Variants in MUS81 observed in about 807,000 individuals in gnomAD.
MUS81 encodes the protein MUS81 structure-specific endonuclease subunit.
MUS81 carries 69 observed loss-of-function variants against 74.2 expected under a neutral mutation model. The ratio of observed to expected loss-of-function variants is 0.93; its 90% CI spans 0.77 to 1.14. The LOEUF (loss-of-function observed/expected upper bound fraction) is 1.14. Among genes scored for constraint, MUS81 ranks in the 50% most tolerant of loss-of-function variants. The probability of loss-of-function intolerance (pLI) is 0.00; values close to 1 mark genes in which losing one functional copy is unlikely to be tolerated. For missense variants in MUS81, 711 were observed against 726.5 expected (o/e 0.98, Z 0.25); for synonymous variants, 303 against 300.6 (o/e 1.01, Z -0.08).
chr11:65,862,096 G>A (rs1387183318), intron 4 of MUS81, 51 bp downstream of exon 4: 1 of 1,595,134 alleles, frequency 6.3e-7, no homozygotes, highest in African/African-American at 1.3e-5. Flanking sequence ...GGGGTGGGAG[G>A]TTCCCCGAGG....
In MUS81 at chr11:65,860,606, G is replaced by T; in HGVS notation, c.-148G>T. The T allele has an allele frequency of 8.6e-7, 1 of 1,157,218 alleles. No homozygotes were observed. Among genetic ancestry groups the T allele is most frequent in the Non-Finnish European group, 1.2e-6 (1 of 813,470 alleles). The allele number at this position is 1,157,218 out of a possible 1,614,324, so 71.7% of individuals were successfully genotyped here. A position where few individuals can be genotyped will look rare whatever the true frequency, so the allele number is the denominator to read the frequency against. On this transcript the variant is annotated 5_prime_UTR_variant, in exon 1 of 16. Coordinates refer to ENST00000308110, the MANE Select transcript of MUS81 (RefSeq NM_025128.5). ...CTCTCCTCTCGTTAGTGCCCCCTGTGTTTGGGGCCCCGTGATCTCAACGGT... is the reference window on the plus strand; with the variant it reads ...CTCTCCTCTCGTTAGTGCCCCCTGTTTTTGGGGCCCCGTGATCTCAACGGT...
intron 4 of MUS81, 50 bp from the exon 5 acceptor site, chr11:65,862,161 G>A: frequency 2.5e-6 from 4 of 1,600,374 alleles, no homozygotes; most frequent in Non-Finnish European, 3.4e-6. Context: ...AGCGGGATGA[G>A]GAGGGGCCCT....
chr11:65,867,325 G>T (rs191979628), downstream of MUS81: 1 of 572,570 alleles, frequency 1.7e-6, no homozygotes, highest in African/African-American at 1.9e-5. Flanking sequence ...TCTGACCCAG[G>T]CTAACTGACG....
chr11:65,866,712 C>G, downstream of MUS81: 1 of 729,982 alleles, frequency 1.4e-6, no homozygotes, highest in East Asian at 2.7e-5. Flanking sequence ...GGCCCCTGGG[C>G]CTGAACATAT....
At chr11:65,865,727 GCTGACCCCTCTGC>G (rs1859803631) in intron 14 of MUS81, 71 bp from the exon 15 acceptor site, 1 of 1,377,622 alleles carries the variant, frequency 7.3e-7, no homozygotes, top group Non-Finnish European at 1.0e-6. Flanking sequence ...TCCATCCCAT[GCTGACCCCTCTGC>G]CTGGCCCCTC....
Position 65,861,335 on chromosome 11 carries a change from T to C in MUS81, c.266-15T>C, listed in dbSNP as rs371083643. 1 of 1,579,666 alleles carries C rather than the reference T, an allele frequency of 6.3e-7. No homozygotes were observed. Among genetic ancestry groups the C allele is most frequent in the Non-Finnish European group, 8.6e-7 (1 of 1,160,750 alleles). On this transcript the variant is annotated splice_polypyrimidine_tract_variant and intron_variant, in intron 2 of 15. Coordinates refer to ENST00000308110, the MANE Select transcript of MUS81 (RefSeq NM_025128.5). ...GATTCGTGGAGTGTGGAGTTAACTC[T>C]TTTCTCTCCCGCAGGTGACCATGCC...
chr11:65,865,678 G>T, intron 14 of MUS81, 133 bp from the exon 15 acceptor site: 1 of 946,672 alleles, frequency 1.1e-6, no homozygotes. Context: ...ATGGGGCCTT[G>T]AGTGCCAAGC....
In MUS81 at chr11:65,862,522, C is replaced by G. The variant is rs1345417017; in HGVS notation, c.598C>G (p.Pro200Ala). ...HRNLVLRTHQ[P>A]ARYSLTPEGL... Reference sequence around the variant, plus strand: ...GAACCTGGTCCTCAGGACACACCAGCCAGCCAGGTGGGGCCAACTGCAGGA... The same window carrying G: ...GAACCTGGTCCTCAGGACACACCAGGCAGCCAGGTGGGGCCAACTGCAGGA... Residue 200 changes from proline (P) to alanine (A), a missense_variant, in exon 6 of 16, where the codon CCA (proline) becomes GCA (alanine). Pro to Ala is a conservative substitution (Grantham distance 27, BLOSUM62 -1). Coordinates refer to ENST00000308110, the MANE Select transcript of MUS81 (RefSeq NM_025128.5). 6.2e-7 allele frequency: 1 copy of G among 1,613,466 alleles called. No individual in the cohort carries two copies. The highest frequency in any genetic ancestry group is 8.5e-7 in the Non-Finnish European group (1 of 1,179,938).
At chr11:65,867,626 A>G (rs1416546931), downstream of MUS81, 5 of 464,548 alleles carry the variant, frequency 1.1e-5, no homozygotes, top group South Asian at 1.0e-4. Flanking sequence ...ACTGAGATCA[A>G]TATGGAAAAC....
intron 11 of MUS81, 50 bp from the exon 12 acceptor site, chr11:65,864,670 C>G (rs1276166242): frequency 1.2e-6 from 2 of 1,612,720 alleles, no homozygotes; most frequent in Non-Finnish European, 1.7e-6. Flanking sequence ...GTCCATGGTT[C>G]ATGGTCTAGG....
intron 7 of MUS81, 46 bp from the exon 8 acceptor site, chr11:65,863,364 C>T: frequency 1.6e-5 from 25 of 1,610,590 alleles, no homozygotes; most frequent in Non-Finnish European, 2.1e-5. Flanking sequence ...GGCAACTGCC[C>T]TGGCACAAGG....
upstream of MUS81, chr11:65,860,321 C>T (rs1315290091): frequency 6.4e-6 from 3 of 465,382 alleles, no homozygotes; most frequent in East Asian, 6.7e-5. Context: ...ACCTTAGAGC[C>T]GCCAAGCTCA....
rs779319794 is a variant in MUS81 at position 65,864,860 on chromosome 11, G to C, written c.1272+45G>C. The C allele has an allele frequency of 2.5e-6, 4 of 1,593,568 alleles. No homozygotes were observed. The East Asian group carries it at 8.9e-5, about 36-fold the overall frequency. On this transcript the variant is annotated intron_variant, in intron 12 of 15. Coordinates refer to ENST00000308110, the MANE Select transcript of MUS81 (RefSeq NM_025128.5). ...CCAGTGTCGGGACAGAGCCCACAAG[G>C]AATTCACCTTGCCTGGGCCCTGTGC...
At chr11:65,866,998 C>A (rs779595425), downstream of MUS81, 1 of 1,614,216 alleles carries the variant, frequency 6.2e-7, no homozygotes, top group Non-Finnish European at 8.5e-7. Flanking sequence ...TTCATGGTGA[C>A]CATCTCCAGG....
rs1211525012 is a variant in MUS81 at position 65,860,803 on chromosome 11, C to T, written c.50C>T (p.Pro17Leu). 2.6e-6 allele frequency: 4 copies of T among 1,544,504 alleles called. No individual in the cohort carries two copies. Among genetic ancestry groups the T allele is most frequent in the Non-Finnish European group, 2.6e-6 (3 of 1,148,336 alleles). The change falls in exon 1 of 16, where the codon CCC (proline) becomes CTC (leucine). Residue 17 changes from proline (P) to leucine (L), a missense_variant. Physicochemically the swap from Pro to Leu is moderately conservative, Grantham distance 98. Transcript: ENST00000308110. ...CGGAAGCGCCCGCTGCCTGCCTGTC[C>T]CAACCCGCTCTTCGTTCGCTGGCTG... is the stretch of plus-strand genomic sequence containing the variant. Reference protein sequence around the residue: ...LGRKRPLPACPNPLFVRWLTE... With the variant: ...LGRKRPLPACLNPLFVRWLTE...
intron 14 of MUS81, 50 bp downstream of exon 14, chr11:65,865,373 T>C: frequency 6.4e-7 from 1 of 1,553,074 alleles, no homozygotes. Flanking sequence ...CCTCCATGCA[T>C]GGAATTCACC....
At chr11:65,867,231 C>T, downstream of MUS81, 4 of 824,852 alleles carry the variant, frequency 4.8e-6, no homozygotes, top group Non-Finnish European at 7.7e-6. Context: ...TCTTTGACAC[C>T]CTCGATGTCT....
At chr11:65,861,681 A>G in intron 3 of MUS81, 1 of 601,032 alleles carries the variant, frequency 1.7e-6, no homozygotes, top group Non-Finnish European at 3.0e-6. Context: ...GGTCACCATT[A>G]TTGAGTTTTC....
downstream of MUS81, chr11:65,866,878 A>G (rs1481680322): frequency 6.2e-7 from 1 of 1,612,748 alleles, no homozygotes; most frequent in Non-Finnish European, 8.5e-7. Flanking sequence ...CAGGCTCCTC[A>G]GCTAGGGTAG....
Sources: gnomAD v4.1 joint callset for allele counts on GRCh38, gnomAD v4.1.1 for gene constraint, MANE v1.5 for transcripts, NCBI Gene and HGNC (gene_info 2026-07-23, HGNC 2026-07-21) for gene names.